The following PRIM2 variants were observed in gnomAD, a reference collection of about 807,000 sequenced individuals.
The protein encoded by PRIM2 is DNA primase large subunit.
PRIM2 carries 39 observed loss-of-function variants against 67.3 expected under a neutral mutation model. That is an observed-to-expected ratio of 0.58 (90% CI 0.45 to 0.76). The LOEUF (loss-of-function observed/expected upper bound fraction) is 0.76. Ranked by LOEUF, PRIM2 falls within the 30% of genes least tolerant of loss-of-function variation. PRIM2 has a pLI of 0.00. For missense variants in PRIM2, 398 were observed against 598.7 expected, an observed-to-expected ratio of 0.66 and a Z score of 3.50; for synonymous variants, 143 against 198.7, an observed-to-expected ratio of 0.72 and a Z score of 2.36.
intron 7 of PRIM2, among the ~76,000 whole-genome samples, chr6:57,478,754 TAA>T (rs1773543793): frequency 0.033 from 5,006 of 152,252 alleles, 268 homozygotes; most frequent in African/African-American, 0.11. Flanking sequence ...TCTCTGAGCC[TAA>T]GTTTCCTCAT....
chr6:57,642,433 ATCTTTTT>A (rs1388019241), intron 13 of PRIM2, among the ~76,000 whole-genome samples: 2 of 107,060 alleles, frequency 1.9e-5, no homozygotes, highest in African/African-American at 7.2e-5. Flanking sequence ...TAAATATTAT[ATCTTTTT>A]TTTTTTTTTT....
upstream of PRIM2, chr6:57,314,761 T>G (rs1444418131): frequency 6.6e-6 from 1 of 152,246 alleles, no homozygotes; most frequent in African/African-American, 2.4e-5. Flanking sequence ...ATTGTGTCAA[T>G]CAATTTTTTG....
At chr6:57,330,373 TTG>T (rs1768016310) in intron 5 of PRIM2, among the ~76,000 whole-genome samples, 6 of 120,734 alleles carry the variant, frequency 5.0e-5, no homozygotes, top group Admixed American at 9.5e-5. Context: ...TTTTGTTTTT[TTG>T]TTTTTTTGTT....
At chr6:57,276,965 G>A in the PRIM2 span, among the ~76,000 whole-genome samples, 1 of 151,976 alleles carries the variant, frequency 6.6e-6, no homozygotes, top group Non-Finnish European at 1.5e-5. Context: ...AAGAAGCATG[G>A]GGGAGAATAA....
intron 7 of PRIM2, among the ~76,000 whole-genome samples, chr6:57,399,352 C>T (rs563826346): frequency 6.6e-6 from 1 of 152,270 alleles, no homozygotes; most frequent in Non-Finnish European, 1.5e-5. Flanking sequence ...CATCCATGTC[C>T]CTACGAAGGA....
chr6:57,434,326 T>C (rs1210129423), intron 7 of PRIM2, among the ~76,000 whole-genome samples: 1 of 152,172 alleles, frequency 6.6e-6, no homozygotes, highest in Non-Finnish European at 1.5e-5. Context: ...ATGGTTATAC[T>C]GATAACCATG....
intron 5 of PRIM2, among the ~76,000 whole-genome samples, chr6:57,378,085 A>G (rs1562720526): frequency 6.7e-6 from 1 of 148,236 alleles, no homozygotes; most frequent in Non-Finnish European, 1.5e-5. Flanking sequence ...TTTTTTGATA[A>G]TGGTTTGCTG....
intron 12 of PRIM2, among the ~76,000 whole-genome samples, chr6:57,630,672 G>A (rs1777024339): frequency 6.6e-6 from 1 of 150,468 alleles, no homozygotes; most frequent in South Asian, 2.1e-4. Flanking sequence ...GTAATTTATG[G>A]GATCATCTAA....
intron 10 of PRIM2, among the ~76,000 whole-genome samples, chr6:57,585,276 G>T (rs1328583167): frequency 6.6e-6 from 1 of 152,196 alleles, no homozygotes; most frequent in Non-Finnish European, 1.5e-5. Context: ...CCTTGGTAAT[G>T]TTAGTAACTC....
intron 7 of PRIM2, among the ~76,000 whole-genome samples, chr6:57,446,174 A>C (rs1280979500): frequency 2.6e-5 from 4 of 152,110 alleles, no homozygotes; most frequent in Non-Finnish European, 5.9e-5. Flanking sequence ...TTCTGAAAAG[A>C]CGTCTTGTAA....
At position 57,377,350 on chromosome 6, in the gene PRIM2, A is replaced by G. The variant is rs1295072476; in HGVS notation, c.460-2551A>G. The stretch of plus-strand genomic sequence containing the variant: ...TCTTGATACTTTTTTGTTCTTACCT[A>G]TATTGTTTTTATTCATGGAGTCTCA... On this transcript the variant is annotated intron_variant, in intron 5 of 13. Transcript: ENST00000615550. Among the ~76,000 whole-genome samples the G allele has an allele frequency of 2.0e-5, 3 of 151,822 alleles. No individual in the cohort carries two copies. In the East Asian group the frequency reaches 5.8e-4, roughly 29 times the overall value.
intron 13 of PRIM2, among the ~76,000 whole-genome samples, chr6:57,642,451 T>TAATATAA (rs1777258036): frequency 7.4e-6 from 1 of 134,666 alleles, no homozygotes; most frequent in Non-Finnish European, 1.6e-5. Flanking sequence ...TTTTTTTTTT[T>TAATATAA]TTTTTTTTTG....
chr6:57,517,124 A>C (rs1353600233), intron 8 of PRIM2, among the ~76,000 whole-genome samples: 4 of 152,270 alleles, frequency 2.6e-5, no homozygotes, highest in Non-Finnish European at 5.9e-5. Context: ...CTGGAAAGTA[A>C]AATTTATGAT....
At chr6:57,577,517 C>T (rs1381711248) in intron 10 of PRIM2, among the ~76,000 whole-genome samples, 3 of 151,258 alleles carry the variant, frequency 2.0e-5, no homozygotes, top group Non-Finnish European at 4.4e-5. Flanking sequence ...GCAACCTCCA[C>T]CTCTGGGTTC....
intron 5 of PRIM2, among the ~76,000 whole-genome samples, chr6:57,328,515 T>G (rs926318697): frequency 1.3e-5 from 2 of 152,260 alleles, no homozygotes; most frequent in African/African-American, 4.8e-5. Flanking sequence ...TGCTGTAGAA[T>G]GTATCAGTAT....
chr6:57,389,003 C>A (rs979783372), intron 7 of PRIM2, among the ~76,000 whole-genome samples: 5 of 152,318 alleles, frequency 3.3e-5, no homozygotes, highest in African/African-American at 1.2e-4. Context: ...AGAGAACATA[C>A]TTCATTTGTT....
chr6:57,466,064 A>G (rs1454848545), intron 7 of PRIM2, among the ~76,000 whole-genome samples: 9 of 151,824 alleles, frequency 5.9e-5, no homozygotes, highest in African/African-American at 2.2e-4. Context: ...GAGTGAGAAC[A>G]TGAGGTGTTT....
At chr6:57,255,957 C>G in the PRIM2 span, among the ~76,000 whole-genome samples, 1 of 152,002 alleles carries the variant, frequency 6.6e-6, no homozygotes, top group African/African-American at 2.4e-5. Flanking sequence ...GTGAAATGCC[C>G]TAAGGGGGCT....
At chr6:57,432,544 A>T (rs201150425) in intron 7 of PRIM2, among the ~76,000 whole-genome samples, 3 of 32,658 alleles carry the variant, frequency 9.2e-5, no homozygotes, top group Admixed American at 5.2e-4. Context: ...TTTGCACTTT[A>T]AAAAAAGTCC....
Sources: gnomAD v4.1 joint callset for allele counts (sites outside exome capture counted in the v4.1 genomes callset) on GRCh38, gnomAD v4.1.1 for gene constraint, MANE v1.5 for transcripts, NCBI Gene and HGNC (gene_info 2026-07-23, HGNC 2026-07-21) for gene names.